Variants in SLC9A9 observed in about 807,000 individuals in gnomAD.
The protein encoded by SLC9A9 is solute carrier family 9 member A9.
Under a neutral mutation model 77.8 loss-of-function variants are expected in SLC9A9, and 62 were observed. The observed-to-expected ratio is 0.80, with a 90% CI of 0.65 to 0.98. The LOEUF is 0.98. Ranked by LOEUF, SLC9A9 falls within the 50% of genes least tolerant of loss-of-function variation. The pLI, the probability that SLC9A9 is intolerant of heterozygous loss-of-function variation, is 0.00. For synonymous variants in SLC9A9, 320 were observed against 283.5 expected (o/e 1.13, Z -1.29); for missense variants, 775 against 774.9 (o/e 1.00, Z 0.00).
chr3:143,848,270 T>A lies in SLC9A9; in HGVS notation c.53A>T (p.His18Leu). Residue 18 changes from histidine (H) to leucine (L), a missense_variant, in exon 1 of 16, where the codon CAT (histidine) becomes CTT (leucine). Physicochemically the swap from His to Leu is moderately conservative, Grantham distance 99. Transcript: ENST00000316549. Reference protein sequence around the residue: ...MSEKDEYQFQHQGAVELLVFN... With the variant: ...MSEKDEYQFQLQGAVELLVFN... ...GACAAGCAGCTCCACCGCTCCCTGA[T>A]GTTGAAACTGATACTCATCCTTTTC... 6.2e-7 allele frequency: 1 copy of A among 1,614,066 alleles called. No individual in the cohort carries two copies. Among genetic ancestry groups the A allele is most frequent in the East Asian group, 2.2e-5 (1 of 44,886 alleles).
At chr3:143,462,729 T>C (rs2035216071) in intron 12 of SLC9A9, among the ~76,000 whole-genome samples, 1 of 152,226 alleles carries the variant, frequency 6.6e-6, no homozygotes, top group Non-Finnish European at 1.5e-5. Flanking sequence ...GAAGATTTCC[T>C]GTGTTTGTTT....
At chr3:143,391,938 A>C (rs866789242) in intron 12 of SLC9A9, among the ~76,000 whole-genome samples, 16 of 152,224 alleles carry the variant, frequency 1.1e-4, no homozygotes, top group Admixed American at 6.5e-4. Context: ...CCTCCAAGAA[A>C]TATGGGACTG....
intron 1 of SLC9A9, chr3:143,847,939 A>G (rs759225167): frequency 6.6e-6 from 4 of 610,668 alleles, no homozygotes; most frequent in Non-Finnish European, 1.2e-5. Context: ...TGAGAACATG[A>G]CTGTGACATT....
chr3:143,265,540 G>A lies in SLC9A9; in HGVS notation c.*1162C>T. 4.8e-6 allele frequency: 1 copy of A among 207,910 alleles called. No individual in the cohort carries two copies. The highest frequency in any genetic ancestry group is 9.5e-6 in the Non-Finnish European group (1 of 104,984). The allele number at this position is 207,910 out of a possible 1,614,324, so 12.9% of individuals were successfully genotyped here. On this transcript the variant is annotated 3_prime_UTR_variant, in exon 16 of 16. Coordinates refer to ENST00000316549, the MANE Select transcript of SLC9A9 (RefSeq NM_173653.4). ...ATCATAGCCTGGGCACCTAGGCCTG[G>A]AGCCTATTTTTTCGAGTCTAATATG... is the stretch of plus-strand genomic sequence containing the variant.
At chr3:143,368,766 A>G (rs2032974037) in intron 13 of SLC9A9, among the ~76,000 whole-genome samples, 1 of 152,200 alleles carries the variant, frequency 6.6e-6, no homozygotes, top group South Asian at 2.1e-4. Flanking sequence ...TTTCAAATGC[A>G]TTGCCTTGAC....
chr3:143,609,328 T>C lies in SLC9A9; in HGVS notation c.756-30605A>G, dbSNP rs2037980441. Among the ~76,000 whole-genome samples, 4 of 152,146 alleles carry C rather than the reference T, an allele frequency of 2.6e-5. No individual in the cohort carries two copies. The South Asian group carries it at 8.3e-4, about 31-fold the overall frequency. On this transcript the variant is annotated intron_variant, in intron 6 of 15. Coordinates refer to ENST00000316549, the MANE Select transcript of SLC9A9 (RefSeq NM_173653.4). ...CTTGGAGTTGGTGAAGACAAAGATATGGAATAACGACAAGCTTGAAGAAAT... is the reference window on the plus strand; with the variant it reads ...CTTGGAGTTGGTGAAGACAAAGATACGGAATAACGACAAGCTTGAAGAAAT...
At chr3:143,333,241 C>A (rs2031828773) in intron 14 of SLC9A9, among the ~76,000 whole-genome samples, 1 of 116,224 alleles carries the variant, frequency 8.6e-6, no homozygotes, top group South Asian at 3.3e-4. Context: ...CACCTCCCAC[C>A]CCCCACCCAA....
At chr3:143,292,388 T>C (rs2030042716) in intron 14 of SLC9A9, among the ~76,000 whole-genome samples, 1 of 152,208 alleles carries the variant, frequency 6.6e-6, no homozygotes, top group Non-Finnish European at 1.5e-5. Flanking sequence ...ACTATTTCCA[T>C]TGTACAGATG....
chr3:143,686,073 T>A (rs1646451582), intron 5 of SLC9A9, among the ~76,000 whole-genome samples: 1 of 152,168 alleles, frequency 6.6e-6, no homozygotes, highest in African/African-American at 2.4e-5. Context: ...AGACTGCCCT[T>A]CCAGGGGCCA....
At chr3:143,714,022 A>G (rs1288663989) in intron 4 of SLC9A9, among the ~76,000 whole-genome samples, 1 of 152,214 alleles carries the variant, frequency 6.6e-6, no homozygotes, top group East Asian at 1.9e-4. Flanking sequence ...GCTTCTTCAC[A>G]AATTCTCAGT....
In SLC9A9 at chr3:143,636,069, T is replaced by A. The variant is rs145596014; in HGVS notation, c.755+16186A>T. Among the ~76,000 whole-genome samples the A allele has an allele frequency of 4.4e-3, 663 of 152,300 alleles. 3 individuals are homozygous for A. Among genetic ancestry groups the A allele is most frequent in the African/African-American group, 0.015 (627 of 41,556 alleles). On this transcript the variant is annotated intron_variant, in intron 6 of 15. Coordinates refer to ENST00000316549, the MANE Select transcript of SLC9A9 (RefSeq NM_173653.4). Reference sequence around the variant, plus strand: ...AAAATATATGTTGTGGTTTTAGAAGTGAGTTTACATTGAAGATATAGTTTA... The same window carrying A: ...AAAATATATGTTGTGGTTTTAGAAGAGAGTTTACATTGAAGATATAGTTTA...
rs186990728 is a variant in SLC9A9 at position 143,588,673 on chromosome 3, T to C, written c.756-9950A>G. ...GTCAGAATTGAATTAGTCTGTGGGC[T>C]TTGAGAAATATTCTCTTATACCTAA... On this transcript the variant is annotated intron_variant, in intron 6 of 15. Transcript: ENST00000316549. 1.1e-4 allele frequency among the ~76,000 whole-genome samples: 16 copies of C among 152,380 alleles called. No individual in the cohort carries two copies. The East Asian group carries it at 2.9e-3, about 27-fold the overall frequency.
At chr3:143,817,809 G>GATAGCTGTTTAATGTTTTA (rs11272542) in intron 2 of SLC9A9, among the ~76,000 whole-genome samples, 2 of 151,962 alleles carry the variant, frequency 1.3e-5, no homozygotes, top group Non-Finnish European at 2.9e-5. Context: ...TCTGTTATCT[G>GATAGCTGTTTAATGTTTTA]ATAGCCTATT....
intron 9 of SLC9A9, among the ~76,000 whole-genome samples, chr3:143,538,348 A>G (rs2036628382): frequency 6.6e-6 from 1 of 152,120 alleles, no homozygotes; most frequent in South Asian, 2.1e-4. Context: ...CCAAACAATA[A>G]ATCAGTACAA....
intron 4 of SLC9A9, among the ~76,000 whole-genome samples, chr3:143,716,173 C>G (rs904716830): frequency 3.9e-5 from 6 of 152,128 alleles, no homozygotes; most frequent in African/African-American, 1.4e-4. Flanking sequence ...CTCCTGGGCT[C>G]AAGAGATCCT....
At chr3:143,652,635 C>G (rs2108749080) in intron 5 of SLC9A9, among the ~76,000 whole-genome samples, 1 of 152,224 alleles carries the variant, frequency 6.6e-6, no homozygotes, top group Non-Finnish European at 1.5e-5. Flanking sequence ...GCCCCCTTTG[C>G]TGCCTTTCTC....
chr3:143,423,191 ATC>A (rs899715663), intron 12 of SLC9A9, among the ~76,000 whole-genome samples: 1 of 150,522 alleles, frequency 6.6e-6, no homozygotes, highest in Non-Finnish European at 1.5e-5. Flanking sequence ...ATATATGTAA[ATC>A]TCTACTTACC....
intron 2 of SLC9A9, among the ~76,000 whole-genome samples, chr3:143,803,636 C>T (rs1346480013): frequency 6.6e-6 from 1 of 152,160 alleles, no homozygotes; most frequent in Non-Finnish European, 1.5e-5. Flanking sequence ...TACTTTTATA[C>T]TCACTGTTAT....
intron 1 of SLC9A9, among the ~76,000 whole-genome samples, chr3:143,846,698 T>C (rs1390724261): frequency 1.3e-5 from 2 of 150,348 alleles, no homozygotes; most frequent in African/African-American, 2.5e-5. Flanking sequence ...CACTAAATTT[T>C]AAAAAATAAA....
Sources: allele counts gnomAD v4.1 joint callset (sites outside exome capture counted in the v4.1 genomes callset), GRCh38; gene constraint gnomAD v4.1.1; transcripts MANE v1.5; gene names NCBI Gene and HGNC (gene_info 2026-07-23, HGNC 2026-07-21).